SRRM4: variants seen among roughly 807,000 people sequenced by gnomAD.
The protein encoded by SRRM4 is serine/arginine repetitive matrix protein 4.
A neutral mutation model predicts 68.9 loss-of-function variants in SRRM4; 33 were observed. That is an observed-to-expected ratio of 0.48 (90% CI 0.36 to 0.64). The LOEUF (loss-of-function observed/expected upper bound fraction) is 0.64, where lower values mean the gene tolerates loss of function less well. Ranked by LOEUF, SRRM4 falls within the 30% of genes least tolerant of loss-of-function variation. The probability of loss-of-function intolerance (pLI) is 0.00; values close to 1 mark genes in which losing one functional copy is unlikely to be tolerated. For missense variants in SRRM4, 817 were observed against 827.1 expected, an observed-to-expected ratio of 0.99 and a Z score of 0.15; for synonymous variants, 318 against 318.8, an observed-to-expected ratio of 1.00 and a Z score of 0.03.
At chr12:119,107,656 G>A (rs1297998971) in intron 2 of SRRM4, among the ~76,000 whole-genome samples, 1 of 152,108 alleles carries the variant, frequency 6.6e-6, no homozygotes, top group Non-Finnish European at 1.5e-5. Context: ...TGTGGGATCG[G>A]TGGTGATATC....
intron 1 of SRRM4, among the ~76,000 whole-genome samples, chr12:119,100,954 C>A (rs1412389636): frequency 3.3e-5 from 5 of 152,158 alleles, no homozygotes; most frequent in Non-Finnish European, 4.4e-5. Flanking sequence ...CAGTATCTAC[C>A]AGCTCGGCTT....
chr12:119,106,703 T>C (rs1235862926), intron 2 of SRRM4, among the ~76,000 whole-genome samples: 1 of 152,218 alleles, frequency 6.6e-6, no homozygotes, highest in Non-Finnish European at 1.5e-5. Flanking sequence ...CTTAAGGAGA[T>C]TTTGAGCTGA....
At position 119,154,209 on chromosome 12, in the gene SRRM4, C is replaced by G. The variant is rs1191000354; in HGVS notation, c.1392-34C>G. 1.9e-6 allele frequency: 3 copies of G among 1,568,454 alleles called. No homozygotes were observed. Among genetic ancestry groups the G allele is most frequent in the Non-Finnish European group, 2.6e-6 (3 of 1,153,450 alleles). ...GCTCACGCAGAAAATCCAGCCCAGC[C>G]CCAGCTCCCCAGTAACCCCCCGCGC... On this transcript the variant is annotated intron_variant, in intron 11 of 12. Coordinates refer to ENST00000267260, the MANE Select transcript of SRRM4 (RefSeq NM_194286.4). This position sits in a 1 kb window ranked among gnomAD's most constrained non-coding sequence, Gnocchi z 4.7.
At chr12:118,983,467 G>A (rs1038696983) in intron 1 of SRRM4, among the ~76,000 whole-genome samples, 3 of 152,212 alleles carry the variant, frequency 2.0e-5, no homozygotes, top group Admixed American at 6.5e-5. Flanking sequence ...CTCCGAAGGA[G>A]GTTCTGTGTA....
intron 2 of SRRM4, among the ~76,000 whole-genome samples, chr12:119,111,501 T>C (rs984728598): frequency 6.6e-6 from 1 of 152,216 alleles, no homozygotes; most frequent in Non-Finnish European, 1.5e-5. Context: ...CCAGAAGTTA[T>C]AGCTGACTGA....
intron 1 of SRRM4, among the ~76,000 whole-genome samples, chr12:119,048,530 G>A (rs1953721826): frequency 6.6e-6 from 1 of 152,076 alleles, no homozygotes; most frequent in African/African-American, 2.4e-5. Flanking sequence ...CTGAGGCAGG[G>A]AAAATCGGGT....
intron 1 of SRRM4, among the ~76,000 whole-genome samples, chr12:119,029,235 C>A (rs1953570645): frequency 1.3e-5 from 2 of 152,146 alleles, no homozygotes; most frequent in Admixed American, 1.3e-4. Flanking sequence ...TTAATCAAAG[C>A]AAAGGACAAG....
intron 1 of SRRM4, among the ~76,000 whole-genome samples, chr12:119,016,910 T>C (rs1953485500): frequency 6.6e-6 from 1 of 152,236 alleles, no homozygotes; most frequent in Non-Finnish European, 1.5e-5. Flanking sequence ...TTCATGTTTC[T>C]GCACCTCAGT....
At chr12:119,067,878 G>A (rs955220979) in intron 1 of SRRM4, among the ~76,000 whole-genome samples, 1 of 152,216 alleles carries the variant, frequency 6.6e-6, no homozygotes, top group African/African-American at 2.4e-5. Context: ...GGTGGAGAGA[G>A]TAAATTAGAT....
In SRRM4 at chr12:118,982,068, T is replaced by C; in HGVS notation, c.131+55T>C. ...CCTGAAGGTCCTCCTTTCTGGCCTG[T>C]GCCCCAGAGCCCGGAGGGGTGGATG... On this transcript the variant is annotated intron_variant, in intron 1 of 12. Coordinates refer to ENST00000267260, the MANE Select transcript of SRRM4 (RefSeq NM_194286.4). 3.9e-6 allele frequency: 6 copies of C among 1,555,118 alleles called. No individual in the cohort carries two copies. In the East Asian group the frequency reaches 1.2e-4, roughly 31 times the overall value.
At chr12:119,044,238 A>G (rs549050646) in intron 1 of SRRM4, among the ~76,000 whole-genome samples, 2 of 152,290 alleles carry the variant, frequency 1.3e-5, no homozygotes, top group South Asian at 4.1e-4. Flanking sequence ...CCAACCCAGG[A>G]AGACTTTCTA....
At chr12:119,022,151 C>T (rs555320457) in intron 1 of SRRM4, among the ~76,000 whole-genome samples, 53 of 151,252 alleles carry the variant, frequency 3.5e-4, no homozygotes, top group African/African-American at 6.6e-4. Flanking sequence ...ACATTCTGCC[C>T]GTATCCTGGA....
At chr12:119,050,567 AG>A (rs1186160630) in intron 1 of SRRM4, among the ~76,000 whole-genome samples, 1 of 152,182 alleles carries the variant, frequency 6.6e-6, no homozygotes, top group East Asian at 1.9e-4. Flanking sequence ...TAAGACCTTT[AG>A]GGGAGTTATC....
chr12:119,139,163 A>G (rs148676315), intron 8 of SRRM4, among the ~76,000 whole-genome samples: 12 of 152,324 alleles, frequency 7.9e-5, no homozygotes, highest in East Asian at 5.8e-4. Flanking sequence ...TGTTGTATCA[A>G]TGTCGGAGGG....
chr12:119,115,001 T>C (rs989745552), intron 3 of SRRM4, among the ~76,000 whole-genome samples: 1 of 151,668 alleles, frequency 6.6e-6, no homozygotes, highest in Non-Finnish European at 1.5e-5. Context: ...GAATTATTTT[T>C]TGAGAGCTTA....
intron 4 of SRRM4, 34 bp from the exon 5 acceptor site, chr12:119,120,216 C>G: frequency 1.4e-6 from 2 of 1,414,082 alleles, no homozygotes; most frequent in Non-Finnish European, 1.9e-6. Flanking sequence ...TTCTTTGATT[C>G]TTCTTTTCAT....
In SRRM4 at chr12:119,120,276, G is replaced by A; in HGVS notation, c.464G>A (p.Ser155Asn). ...RRSFSKKRRH[S>N]SSSPKSKRRD... Reference sequence around the variant, plus strand: ...TCATTCTCCAAGAAGAGAAGGCACAGGTAAGACTCTTGTTCTCTGACTGCC... The same window carrying A: ...TCATTCTCCAAGAAGAGAAGGCACAAGTAAGACTCTTGTTCTCTGACTGCC... The change falls in exon 5 of 13, where the codon AGC becomes AAC. Residue 155 changes from serine to asparagine, a missense_variant and splice_region_variant. Physicochemically the swap from Ser to Asn is conservative, Grantham distance 46. Coordinates refer to ENST00000267260, the MANE Select transcript of SRRM4 (RefSeq NM_194286.4). The A allele has an allele frequency of 6.5e-7, 1 of 1,550,268 alleles. No homozygotes were observed. The highest frequency in any genetic ancestry group is 8.7e-7 in the Non-Finnish European group (1 of 1,146,684).
intron 8 of SRRM4, among the ~76,000 whole-genome samples, chr12:119,136,470 G>GTTTTGTTTTGT (rs1555220714): frequency 1.3e-5 from 2 of 151,902 alleles, no homozygotes; most frequent in African/African-American, 4.8e-5. Context: ...ATTGGTTTTT[G>GTTTTGTTTTGT]TTTGTTTTGT....
chr12:119,014,878 C>T (rs1953471629), intron 1 of SRRM4, among the ~76,000 whole-genome samples: 1 of 152,174 alleles, frequency 6.6e-6, no homozygotes, highest in African/African-American at 2.4e-5. Flanking sequence ...CCCCTTCTAG[C>T]TTGGAGAAAC....
Sources: gnomAD v4.1 joint callset for allele counts (sites outside exome capture counted in the v4.1 genomes callset) on GRCh38, gnomAD v4.1.1 for gene constraint, Gnocchi (gnomAD v3.1) non-coding constraint, MANE v1.5 for transcripts, NCBI Gene and HGNC (gene_info 2026-07-23, HGNC 2026-07-21) for gene names.